KRABD2: variants seen among roughly 807,000 people sequenced by gnomAD.
KRABD2 encodes KRAB domain containing 2.
At chr17:8,361,501 A>C in the KRABD2 span, among the ~76,000 whole-genome samples, 1 of 152,230 alleles carries the variant, frequency 6.6e-6, no homozygotes, top group African/African-American at 2.4e-5. Flanking sequence ...CCTTAATTCC[A>C]AAGCTGCAAA....
At chr17:8,374,937 C>CAAAAAAAA in the KRABD2 span, among the ~76,000 whole-genome samples, 251 of 46,192 alleles carry the variant, frequency 5.4e-3, 26 homozygotes, top group African/African-American at 8.9e-3. Context: ...GACTCTGTCA[C>CAAAAAAAA]AAAAAAAAAA....
At chr17:8,375,845 T>C in the KRABD2 span, 21 of 1,177,988 alleles carry the variant, frequency 1.8e-5, no homozygotes, top group Non-Finnish European at 2.2e-5. Flanking sequence ...GATAAACGAG[T>C]TGGTCAGAGA....
At chr17:8,376,192 G>T in the KRABD2 span, 4 of 1,231,432 alleles carry the variant, frequency 3.2e-6, no homozygotes, top group African/African-American at 4.7e-5. Flanking sequence ...GATGTTTAAA[G>T]GACATTTTGT....
chr17:8,375,213 G>A, the KRABD2 span, among the ~76,000 whole-genome samples: 12 of 151,898 alleles, frequency 7.9e-5, no homozygotes, highest in East Asian at 1.6e-3. Flanking sequence ...GGGTTTCACC[G>A]TGTTAGCCAG....
the KRABD2 span, among the ~76,000 whole-genome samples, chr17:8,360,582 G>A: frequency 6.6e-6 from 1 of 152,182 alleles, no homozygotes; most frequent in Admixed American, 6.5e-5. Flanking sequence ...GAATTCTGAA[G>A]AAAATTCTGA....
the KRABD2 span, chr17:8,369,638 G>A: frequency 6.2e-7 from 1 of 1,614,218 alleles, no homozygotes; most frequent in Non-Finnish European, 8.5e-7. Context: ...CAACGCCACT[G>A]TCAGAGTCTA....
the KRABD2 span, chr17:8,376,030 T>G: frequency 5.8e-5 from 71 of 1,231,756 alleles, no homozygotes; most frequent in Non-Finnish European, 7.1e-5. Flanking sequence ...CTCTCCTTCA[T>G]CTCAACAACC....
chr17:8,376,596 G>A, the KRABD2 span: 6 of 986,018 alleles, frequency 6.1e-6, no homozygotes, highest in African/African-American at 7.0e-5. Flanking sequence ...AGGCGGGCGC[G>A]CGGTGGAGAA....
chr17:8,363,830 C>CAT, the KRABD2 span, among the ~76,000 whole-genome samples: 1,831 of 86,846 alleles, frequency 0.021, 33 homozygotes, highest in South Asian at 0.069. Flanking sequence ...ATATATCATA[C>CAT]ATATATATAT....
the KRABD2 span, among the ~76,000 whole-genome samples, chr17:8,374,718 G>A: frequency 6.6e-6 from 1 of 150,766 alleles, no homozygotes; most frequent in African/African-American, 2.4e-5. Flanking sequence ...AGGCGGAGGT[G>A]GGCGGATTAC....
chr17:8,367,899 C>CAAA, the KRABD2 span, among the ~76,000 whole-genome samples: 2 of 150,372 alleles, frequency 1.3e-5, no homozygotes, highest in Admixed American at 1.3e-4. Flanking sequence ...TGCCAAATCC[C>CAAA]CCTCTGCAAG....
the KRABD2 span, among the ~76,000 whole-genome samples, chr17:8,363,877 AT>A: frequency 3.4e-5 from 4 of 118,696 alleles, no homozygotes; most frequent in South Asian, 5.3e-4. Flanking sequence ...TTATTTATTT[AT>A]TTATTTTTTA....
At chr17:8,369,423 T>C in the KRABD2 span, 1 of 1,614,244 alleles carries the variant, frequency 6.2e-7, no homozygotes, top group Non-Finnish European at 8.5e-7. Flanking sequence ...GTCGAAAGCC[T>C]GATTCCTCAC....
At chr17:8,364,841 C>T in the KRABD2 span, among the ~76,000 whole-genome samples, 1 of 152,060 alleles carries the variant, frequency 6.6e-6, no homozygotes, top group East Asian at 1.9e-4. This position sits in a 1 kb window ranked among gnomAD's most constrained non-coding sequence, Gnocchi z 4.4. Context: ...TGAAACCAAC[C>T]TGGCCAAAAT....
At chr17:8,371,167 C>CAA in the KRABD2 span, 56 of 575,490 alleles carry the variant, frequency 9.7e-5, no homozygotes, top group Middle Eastern at 4.4e-4. Flanking sequence ...GAGACTGTTT[C>CAA]AAAAAAAAAA....
the KRABD2 span, chr17:8,376,048 C>T: frequency 8.1e-7 from 1 of 1,231,796 alleles, no homozygotes; most frequent in South Asian, 4.1e-5. Context: ...ACCTGTACCA[C>T]ACTCACTGGA....
the KRABD2 span, chr17:8,371,318 C>T: frequency 1.2e-6 from 2 of 1,607,756 alleles, no homozygotes; most frequent in Admixed American, 1.7e-5. Flanking sequence ...CCCTGTGGGA[C>T]CGTGTTCTCA....
At chr17:8,370,220 G>A in the KRABD2 span, 2 of 1,612,812 alleles carry the variant, frequency 1.2e-6, no homozygotes, top group Non-Finnish European at 1.7e-6. Context: ...ACTTTTCTTT[G>A]GAAAATACCT....
chr17:8,360,287 GATA>G, the KRABD2 span, among the ~76,000 whole-genome samples: 4 of 151,318 alleles, frequency 2.6e-5, no homozygotes, highest in Admixed American at 1.3e-4. Context: ...AAACCAAAAT[GATA>G]ATAATAATGA....
Sources: allele counts gnomAD v4.1 joint callset (sites outside exome capture counted in the v4.1 genomes callset), GRCh38; gene constraint gnomAD v4.1.1; non-coding constraint Gnocchi (gnomAD v3.1); transcripts MANE v1.5; gene names NCBI Gene and HGNC (gene_info 2026-07-23, HGNC 2026-07-21).